Variants in CADM2 observed in about 807,000 individuals in gnomAD.
CADM2 encodes immunoglobulin superfamily member 4D.
In CADM2, 12 loss-of-function variants were observed where a neutral mutation model predicts 49.8. That is an observed-to-expected ratio of 0.24 (90% CI 0.15 to 0.39). The LOEUF (loss-of-function observed/expected upper bound fraction) is 0.39. Ranked by LOEUF, CADM2 falls within the 10% of genes least tolerant of loss-of-function variation. The pLI, the probability that CADM2 is intolerant of heterozygous loss-of-function variation, is 1.00. For synonymous variants in CADM2, 214 were observed against 175.4 expected (o/e 1.22, Z -1.74); for missense variants, 378 against 492.3 (o/e 0.77, Z 2.20).
intron 1 of CADM2, among the ~76,000 whole-genome samples, chr3:85,229,286 T>C (rs1012995082): frequency 2.6e-5 from 4 of 152,108 alleles, no homozygotes; most frequent in Admixed American, 6.6e-5. Context: ...CCAGAGGGAA[T>C]CTCCTGGTAT....
At chr3:85,564,337 T>G (rs1000848638) in intron 1 of CADM2, among the ~76,000 whole-genome samples, 1 of 152,136 alleles carries the variant, frequency 6.6e-6, no homozygotes, top group African/African-American at 2.4e-5. Flanking sequence ...TGGACTTTAT[T>G]GATAACTGCA....
At chr3:85,898,577 T>C (rs1311453522) in intron 5 of CADM2, among the ~76,000 whole-genome samples, 1 of 151,654 alleles carries the variant, frequency 6.6e-6, no homozygotes, top group Non-Finnish European at 1.5e-5. Flanking sequence ...ATCTTTCTTT[T>C]TTTTTTTTTG....
At chr3:85,677,906 CTGGATTCCTT>C (rs1228438553) in intron 1 of CADM2, among the ~76,000 whole-genome samples, 10 of 152,286 alleles carry the variant, frequency 6.6e-5, no homozygotes, top group East Asian at 5.8e-4. Flanking sequence ...TACTGGACCT[CTGGATTCCTT>C]CTAACTTTGA....
chr3:85,883,136 A>G (rs1005935872), intron 3 of CADM2, among the ~76,000 whole-genome samples, 155 bp from the exon 4 acceptor site: 2 of 152,238 alleles, frequency 1.3e-5, no homozygotes, highest in Admixed American at 6.5e-5. Flanking sequence ...AAATATTTCA[A>G]TATATTTAAA....
chr3:85,083,026 T>C (rs1038784838), intron 1 of CADM2, among the ~76,000 whole-genome samples: 2 of 152,210 alleles, frequency 1.3e-5, no homozygotes, highest in Admixed American at 1.3e-4. Flanking sequence ...TGGTTGATTT[T>C]AGCCATCTGT....
chr3:85,766,735 A>G (rs1701953855), intron 2 of CADM2, among the ~76,000 whole-genome samples: 1 of 152,120 alleles, frequency 6.6e-6, no homozygotes, highest in Admixed American at 6.6e-5. Flanking sequence ...CCATTGTCCA[A>G]TTTTATCATG....
intron 1 of CADM2, among the ~76,000 whole-genome samples, chr3:85,393,089 T>TA (rs781046665): frequency 0.098 from 12,577 of 128,332 alleles, 1,792 homozygotes; most frequent in African/African-American, 0.35. Context: ...GTAAACTCTT[T>TA]AAAAAAAAAA....
chr3:85,843,858 T>G (rs1405582827), intron 3 of CADM2, among the ~76,000 whole-genome samples: 1 of 151,856 alleles, frequency 6.6e-6, no homozygotes, highest in African/African-American at 2.4e-5. Context: ...ATTATAAATC[T>G]TTTCAGAAAG....
chr3:85,705,198 A>T (rs781465152), intron 1 of CADM2, among the ~76,000 whole-genome samples: 1 of 149,616 alleles, frequency 6.7e-6, no homozygotes, highest in Non-Finnish European at 1.5e-5. Context: ...ACAAATAATG[A>T]GTAAATTATA....
intron 2 of CADM2, among the ~76,000 whole-genome samples, chr3:85,746,134 T>A (rs2068610996): frequency 6.6e-6 from 1 of 152,312 alleles, no homozygotes; most frequent in Non-Finnish European, 1.5e-5. Context: ...AATTTAAAAT[T>A]TCCCCAAAGA....
At chr3:85,708,374 C>A (rs1261659941) in intron 1 of CADM2, among the ~76,000 whole-genome samples, 1 of 151,898 alleles carries the variant, frequency 6.6e-6, no homozygotes, top group African/African-American at 2.4e-5. Flanking sequence ...TGAAAAAATC[C>A]TTCAATCACA....
intron 1 of CADM2, among the ~76,000 whole-genome samples, chr3:85,317,794 A>G (rs2044504194): frequency 6.6e-6 from 1 of 152,220 alleles, no homozygotes; most frequent in Non-Finnish European, 1.5e-5. Context: ...CGGGGTACAT[A>G]TTCATGCTAT....
chr3:85,595,893 T>A (rs1388954505), intron 1 of CADM2, among the ~76,000 whole-genome samples: 1 of 151,944 alleles, frequency 6.6e-6, no homozygotes, highest in Non-Finnish European at 1.5e-5. Context: ...TTCGTCTCTG[T>A]GAGATATTAA....
intron 1 of CADM2, among the ~76,000 whole-genome samples, chr3:85,230,594 G>T (rs892012803): frequency 6.6e-6 from 1 of 152,160 alleles, no homozygotes; most frequent in Non-Finnish European, 1.5e-5. Flanking sequence ...TAACTAAGCA[G>T]GTGCATAGAG....
intron 1 of CADM2, among the ~76,000 whole-genome samples, chr3:85,646,120 C>A (rs994911700): frequency 1.3e-5 from 2 of 151,936 alleles, no homozygotes; most frequent in African/African-American, 4.8e-5. Context: ...AAATTACATT[C>A]AATGTTAAAC....
At position 85,979,158 on chromosome 3, in the gene CADM2, C is replaced by T. The variant is rs374018220; in HGVS notation, c.970+17511C>T. 2.7e-5 allele frequency: 44 copies of T among 1,607,366 alleles called. No homozygotes were observed. In the African/African-American group the frequency reaches 5.2e-4, roughly 19 times the overall value. On this transcript the variant is annotated intron_variant, in intron 8 of 9. Transcript: ENST00000383699. ...ATTTTGTTTATATTTTTTTTCCACT[C>T]ACCAGATGTTCCCAACACTTTGCTT... is the stretch of plus-strand genomic sequence containing the variant.
At chr3:85,258,650 C>T (rs972215225) in intron 1 of CADM2, among the ~76,000 whole-genome samples, 6 of 152,000 alleles carry the variant, frequency 3.9e-5, no homozygotes, top group South Asian at 2.1e-4. Flanking sequence ...AATCTAAAAG[C>T]GTATGGAAGA....
At chr3:85,545,851 C>A (rs182098121) in intron 1 of CADM2, among the ~76,000 whole-genome samples, 1 of 152,218 alleles carries the variant, frequency 6.6e-6, no homozygotes, top group African/African-American at 2.4e-5. Context: ...TGAAGAAGAA[C>A]CAGAACTTCT....
rs2039749200 is a variant in CADM2, at chr3:85,493,199, A to G, written c.62-233323A>G. Among the ~76,000 whole-genome samples the G allele has an allele frequency of 2.6e-5, 4 of 152,234 alleles. No individual in the cohort carries two copies. The South Asian group carries it at 8.3e-4, about 32-fold the overall frequency. ...ATGAAAACAGAATAAAGCAGCTTAG[A>G]TTTATTTTGATAAGGTTTTAAAGTT... On this transcript the variant is annotated intron_variant, in intron 1 of 9. Coordinates refer to ENST00000383699, the MANE Select transcript of CADM2 (RefSeq NM_001167675.2).
Sources: gnomAD v4.1 joint callset for allele counts (sites outside exome capture counted in the v4.1 genomes callset) on GRCh38, gnomAD v4.1.1 for gene constraint, MANE v1.5 for transcripts, NCBI Gene and HGNC (gene_info 2026-07-23, HGNC 2026-07-21) for gene names.